Variants in NUBP1 observed in about 807,000 individuals in gnomAD.
NUBP1 encodes the protein cytosolic Fe-S cluster assembly factor NUBP1.
NUBP1 carries 46 observed loss-of-function variants against 41.8 expected under a neutral mutation model. The ratio of observed to expected loss-of-function variants is 1.10; its 90% CI spans 0.87 to 1.41. The LOEUF is 1.41. NUBP1 is among the 40% of genes most tolerant of loss of function. The pLI, the probability that NUBP1 is intolerant of heterozygous loss-of-function variation, is 0.00. For missense variants in NUBP1, 494 were observed against 414.0 expected (o/e 1.19, Z -1.68); for synonymous variants, 189 against 154.6 (o/e 1.22, Z -1.65).
intron 4 of NUBP1, among the ~76,000 whole-genome samples, chr16:10,753,112 C>G (rs12923601): frequency 0.33 from 40,953 of 125,002 alleles, 6,657 homozygotes; most frequent in East Asian, 0.55. Flanking sequence ...TTTATGTGGA[C>G]ATGAGGAGCT....
intron 9 of NUBP1, among the ~76,000 whole-genome samples, chr16:10,763,354 G>A (rs959374313): frequency 2.6e-5 from 4 of 152,078 alleles, no homozygotes; most frequent in African/African-American, 9.7e-5. Flanking sequence ...AAGTGGTAGG[G>A]GGGTAGGGTG....
chr16:10,768,144 G>A lies in NUBP1; in HGVS notation c.904+112G>A. On this transcript the variant is annotated intron_variant, in intron 10 of 10. Transcript: ENST00000283027. The surrounding 1 kb of genome is among the most constrained non-coding windows in gnomAD (Gnocchi z 4.3). ...TGGTGGGGTCTGTGATGACCACAGA[G>A]TGGCCCCCATAGCCGAGGAAGCCAG... is the stretch of plus-strand genomic sequence containing the variant. The A allele has an allele frequency of 2.2e-6, 2 of 926,174 alleles. No individual in the cohort carries two copies. Among genetic ancestry groups the A allele is most frequent in the South Asian group, 1.4e-5 (1 of 70,362 alleles). The allele number at this position is 926,174 out of a possible 1,614,324, so 57.4% of individuals were successfully genotyped here. A position where few individuals can be genotyped will look rare whatever the true frequency, so the allele number is the denominator to read the frequency against.
rs2030920273 is a variant in NUBP1, at chr16:10,766,648, AACAAAAAATTGGACAAAACGC to A, written c.821-1295_821-1275del. The A allele has an allele frequency of 3.9e-6, 1 of 259,026 alleles. No homozygotes were observed. The highest frequency in any genetic ancestry group is 7.2e-6 in the Non-Finnish European group (1 of 138,602). 16.0% of individuals were successfully genotyped at this position (259,026 alleles called of 1,614,324 possible). On this transcript the variant is annotated intron_variant, in intron 9 of 10. Transcript: ENST00000283027. The surrounding 1 kb of genome is among the most constrained non-coding windows in gnomAD (Gnocchi z 4.8). ...GGATGTCCAGGTTCTTGGTGTCTGG[AACAAAAAATTGGACAAAACGC>A]ACAAAGAAAGGAAGGAAGGAAGGGA... is the stretch of plus-strand genomic sequence containing the variant.
At chr16:10,750,057 G>A (rs1423385243) in intron 3 of NUBP1, among the ~76,000 whole-genome samples, 1 of 152,128 alleles carries the variant, frequency 6.6e-6, no homozygotes, top group African/African-American at 2.4e-5. Context: ...AGTTAGCCAG[G>A]TGTGGTGGTA....
chr16:10,757,110 G>A lies in NUBP1; in HGVS notation c.451+330G>A, dbSNP rs768737193. On this transcript the variant is annotated intron_variant, in intron 6 of 10. Transcript: ENST00000283027. This position sits in a 1 kb window ranked among gnomAD's most constrained non-coding sequence, Gnocchi z 4.1. ...AGGTCAGGAGTTCAAGACCAGCCTC[G>A]CCGACATGGTGAAACCCTGTCTCTA... is the stretch of plus-strand genomic sequence containing the variant. Among the ~76,000 whole-genome samples, 4 of 152,046 alleles carry A rather than the reference G, an allele frequency of 2.6e-5. No homozygotes were observed.
intron 3 of NUBP1, among the ~76,000 whole-genome samples, chr16:10,748,981 C>T (rs1404009197): frequency 1.3e-5 from 2 of 151,842 alleles, no homozygotes; most frequent in African/African-American, 4.8e-5. Context: ...GTCTTAGCTA[C>T]TCGGGAGGCC....
intron 7 of NUBP1, among the ~76,000 whole-genome samples, chr16:10,758,756 A>G (rs1182807052): frequency 6.6e-6 from 1 of 152,182 alleles, no homozygotes; most frequent in Non-Finnish European, 1.5e-5. Flanking sequence ...CCAGTTTTCA[A>G]CAGAACCAGC....
chr16:10,765,850 G>T lies in NUBP1; in HGVS notation c.821-2099G>T, dbSNP rs529167357. ...CATTAAGTGCCTTCTAGTGGGCATG[G>T]TCCTGTGTGTCAAATGGCACATTGC... On this transcript the variant is annotated intron_variant, in intron 9 of 10. Transcript: ENST00000283027. The surrounding 1 kb of genome is among the most constrained non-coding windows in gnomAD (Gnocchi z 4.0). Among the ~76,000 whole-genome samples, 1 of 152,352 alleles carries T rather than the reference G, an allele frequency of 6.6e-6. No homozygotes were observed. Among genetic ancestry groups the T allele is most frequent in the South Asian group, 2.1e-4 (1 of 4,830 alleles).
At position 10,767,343 on chromosome 16, in the gene NUBP1, G is replaced by A. The variant is rs1052922716; in HGVS notation, c.821-606G>A. On this transcript the variant is annotated intron_variant, in intron 9 of 10. Transcript: ENST00000283027. This position sits in a 1 kb window ranked among gnomAD's most constrained non-coding sequence, Gnocchi z 4.6. The stretch of plus-strand genomic sequence containing the variant: ...GGGACTGGAACAATGGCCACATGGC[G>A]GGGAAAGACTAGCAGACTGATAGAC... The A allele has an allele frequency of 2.0e-5, 8 of 399,396 alleles. No homozygotes were observed. Among genetic ancestry groups the A allele is most frequent in the African/African-American group, 6.2e-5 (3 of 48,630 alleles). 24.7% of individuals were successfully genotyped at this position (399,396 alleles called of 1,614,324 possible). A position where few individuals can be genotyped will look rare whatever the true frequency, so the allele number is the denominator to read the frequency against.
In NUBP1 at chr16:10,749,523, G is replaced by A. The variant is rs1036740330; in HGVS notation, c.258+2247G>A. Among the ~76,000 whole-genome samples the A allele has an allele frequency of 1.3e-5, 2 of 152,036 alleles. No homozygotes were observed. Among genetic ancestry groups the A allele is most frequent in the African/African-American group, 4.8e-5 (2 of 41,374 alleles). ...TAGATCAGCTGTATTTTTTTATGCA[G>A]TGGTGGTTTAAAAAAAAAAGAAGTC... On this transcript the variant is annotated intron_variant, in intron 3 of 10. Transcript: ENST00000283027. This position sits in a 1 kb window ranked among gnomAD's most constrained non-coding sequence, Gnocchi z 4.1.
At chr16:10,745,755 G>A (rs1192852833) in intron 2 of NUBP1, among the ~76,000 whole-genome samples, 1 of 152,216 alleles carries the variant, frequency 6.6e-6, no homozygotes, top group African/African-American at 2.4e-5. Flanking sequence ...AGAAAATAAA[G>A]TAAACATTCA....
chr16:10,765,759 A>G lies in NUBP1; in HGVS notation c.821-2190A>G, dbSNP rs2030784328. Among the ~76,000 whole-genome samples, 1 of 152,214 alleles carries G rather than the reference A, an allele frequency of 6.6e-6. No individual in the cohort carries two copies. Among genetic ancestry groups the G allele is most frequent in the Non-Finnish European group, 1.5e-5 (1 of 68,036 alleles). On this transcript the variant is annotated intron_variant, in intron 9 of 10. Transcript: ENST00000283027. The surrounding 1 kb of genome is among the most constrained non-coding windows in gnomAD (Gnocchi z 4.0). ...AAAGAAACAAAGTTCCAGGTGGTTCACAAGAGCTAATTTCAAAGCAGAGGA... is the reference window on the plus strand; with the variant it reads ...AAAGAAACAAAGTTCCAGGTGGTTCGCAAGAGCTAATTTCAAAGCAGAGGA...
In NUBP1 at chr16:10,769,061, T is replaced by C. The variant is rs1242783681; in HGVS notation, c.919T>C (p.Cys307Arg). 8 of 1,614,110 alleles carry C rather than the reference T, an allele frequency of 5.0e-6. No homozygotes were observed. Among genetic ancestry groups the C allele is most frequent in the Non-Finnish European group, 5.9e-6 (7 of 1,180,012 alleles). Residue 307 changes from cysteine to arginine, a missense_variant, in exon 11 of 11, where the codon TGT (cysteine) becomes CGT (arginine). Cys to Arg is a radical substitution (Grantham distance 180). Transcript: ENST00000283027. ...RSIIQRIQEF[C>R]NLHQSKEENL... ...TTGTTTTCCAGGAATCCAAGAGTTT[T>C]GTAATCTCCATCAGTCAAAAGAAGA... is the stretch of plus-strand genomic sequence containing the variant.
Position 10,767,460 on chromosome 16 carries a change from A to C in NUBP1, c.821-489A>C, listed in dbSNP as rs1596481660. ...ATGTGCTCCCATTCGTATTTTAGGT[A>C]TATGAGAGTGTGTGTATGTGTGTGC... On this transcript the variant is annotated intron_variant, in intron 9 of 10. Transcript: ENST00000283027. The surrounding 1 kb of genome is among the most constrained non-coding windows in gnomAD (Gnocchi z 4.6). The C allele has an allele frequency of 7.6e-6, 3 of 396,274 alleles. No homozygotes were observed. In the East Asian group the frequency reaches 1.1e-4, roughly 14 times the overall value. 24.5% of individuals were successfully genotyped at this position (396,274 alleles called of 1,614,324 possible). A position where few individuals can be genotyped will look rare whatever the true frequency, so the allele number is the denominator to read the frequency against.
intron 3 of NUBP1, among the ~76,000 whole-genome samples, chr16:10,748,094 G>A (rs753553918): frequency 3.3e-5 from 5 of 152,072 alleles, no homozygotes; most frequent in Non-Finnish European, 7.3e-5. Flanking sequence ...GGGACTACAG[G>A]TGCTTGCCAC....
In NUBP1 at chr16:10,759,385, G is replaced by A. The variant is rs772004883; in HGVS notation, c.606+1358G>A. Among the ~76,000 whole-genome samples, 2 of 152,260 alleles carry A rather than the reference G, an allele frequency of 1.3e-5. No homozygotes were observed. The highest frequency in any genetic ancestry group is 2.9e-5 in the Non-Finnish European group (2 of 68,046). ...CGCAAGGAGGAGCAGGACACCAGCT[G>A]GGACCCTGGACAGGAGGGAGGATGG... On this transcript the variant is annotated intron_variant, in intron 7 of 10. Coordinates refer to ENST00000283027, the MANE Select transcript of NUBP1 (RefSeq NM_002484.4). The surrounding 1 kb of genome is among the most constrained non-coding windows in gnomAD (Gnocchi z 4.7).
chr16:10,769,346 A>C lies in NUBP1; in HGVS notation c.*241A>C, dbSNP rs181737616. ...CCGTTTTAAGAATAAAACCCCCTCA[A>C]ATCTCTCCCCCGAGGCCTGTTTCAC... is the stretch of plus-strand genomic sequence containing the variant. On this transcript the variant is annotated 3_prime_UTR_variant, in exon 11 of 11. Coordinates refer to ENST00000283027, the MANE Select transcript of NUBP1 (RefSeq NM_002484.4). 7.8e-4 allele frequency: 344 copies of C among 442,480 alleles called. No homozygotes were observed. The Middle Eastern group carries it at 8.3e-3, about 11-fold the overall frequency. 27.4% of individuals were successfully genotyped at this position (442,480 alleles called of 1,614,324 possible).
chr16:10,761,137 A>G (rs1428225951), intron 7 of NUBP1: 8 of 429,358 alleles, frequency 1.9e-5, no homozygotes, highest in South Asian at 9.6e-5. Context: ...CCATGATCCA[A>G]TCACCTCCCA....
intron 5 of NUBP1, 55 bp downstream of exon 5, chr16:10,755,808 T>TG: frequency 6.4e-7 from 1 of 1,560,072 alleles, no homozygotes; most frequent in Non-Finnish European, 8.8e-7. Flanking sequence ...TGTGTGTACA[T>TG]AATGGGTTTG....
Sources: allele counts gnomAD v4.1 joint callset (sites outside exome capture counted in the v4.1 genomes callset), GRCh38; gene constraint gnomAD v4.1.1; non-coding constraint Gnocchi (gnomAD v3.1); transcripts MANE v1.5; gene names NCBI Gene and HGNC (gene_info 2026-07-23, HGNC 2026-07-21).